Variants in NKAIN3 observed in about 807,000 individuals in gnomAD.
The protein encoded by NKAIN3 is sodium/potassium transporting ATPase interacting 3.
In NKAIN3, 25 loss-of-function variants were observed where a neutral mutation model predicts 30.2. The observed-to-expected ratio is 0.83, with a 90% CI of 0.60 to 1.16. The LOEUF (loss-of-function observed/expected upper bound fraction) is 1.16. Ranked by LOEUF, NKAIN3 falls within the 50% of genes most tolerant of loss-of-function variation. NKAIN3 has a pLI of 0.00. For synonymous variants in NKAIN3, 91 were observed against 89.6 expected, an observed-to-expected ratio of 1.02 and a Z score of -0.09; for missense variants, 225 against 254.1, an observed-to-expected ratio of 0.89 and a Z score of 0.78.
intron 1 of NKAIN3, among the ~76,000 whole-genome samples, chr8:62,251,797 C>G (rs537830759): frequency 6.6e-4 from 101 of 152,248 alleles, no homozygotes; most frequent in Non-Finnish European, 1.1e-3. Context: ...TGTAAATACT[C>G]CCATCACGAC....
chr8:62,445,919 G>C (rs13265419), intron 1 of NKAIN3, among the ~76,000 whole-genome samples: 13,416 of 152,108 alleles, frequency 0.088, 734 homozygotes, highest in Middle Eastern at 0.13. Flanking sequence ...TGTTTGTTAA[G>C]CACGAAACTC....
chr8:62,889,163 G>T (rs1821229608), intron 4 of NKAIN3, among the ~76,000 whole-genome samples: 2 of 152,136 alleles, frequency 1.3e-5, no homozygotes, highest in Non-Finnish European at 2.9e-5. Context: ...GAGATCAGGA[G>T]TTCGAGACCG....
intron 5 of NKAIN3, among the ~76,000 whole-genome samples, chr8:62,921,819 T>G (rs960463145): frequency 1.3e-5 from 2 of 152,164 alleles, no homozygotes; most frequent in Non-Finnish European, 2.9e-5. Context: ...TTGCTGAAAA[T>G]GAACTTGAGG....
chr8:62,959,631 A>T (rs1007045486), intron 6 of NKAIN3, among the ~76,000 whole-genome samples: 1 of 152,138 alleles, frequency 6.6e-6, no homozygotes, highest in Admixed American at 6.5e-5. Flanking sequence ...TTCACATCTT[A>T]TATTTATCCA....
chr8:62,377,453 C>T lies in NKAIN3; in HGVS notation c.54+128326C>T, dbSNP rs1817124384. Among the ~76,000 whole-genome samples, 3 of 152,094 alleles carry T rather than the reference C, an allele frequency of 2.0e-5. No homozygotes were observed. In the South Asian group the frequency reaches 6.2e-4, roughly 32 times the overall value. Reference sequence around the variant, plus strand: ...GCAAAGGTGAAGTTTCAGTCATTTTCAAGTATATGAATAGCATTAATGCAC... The same window carrying T: ...GCAAAGGTGAAGTTTCAGTCATTTTTAAGTATATGAATAGCATTAATGCAC... On this transcript the variant is annotated intron_variant, in intron 1 of 6. Transcript: ENST00000623646.
chr8:62,611,393 A>G (rs1018352083), intron 3 of NKAIN3, among the ~76,000 whole-genome samples: 6 of 152,160 alleles, frequency 3.9e-5, no homozygotes, highest in African/African-American at 1.4e-4. Flanking sequence ...CTAAGGTCTT[A>G]GTCATTCTTT....
At chr8:62,791,793 A>G (rs1563563551) in intron 4 of NKAIN3, among the ~76,000 whole-genome samples, 1 of 152,100 alleles carries the variant, frequency 6.6e-6, no homozygotes, top group Non-Finnish European at 1.5e-5. Context: ...TTCCAGAAAA[A>G]TTAACAGCAC....
Position 62,518,960 on chromosome 8 carries a change from G to A in NKAIN3, c.55-60579G>A, listed in dbSNP as rs1408146589. ...TAGGCAATCTCTCAGAGTCATTTTA[G>A]CACTCGAATTCTAATACTGAATAGC... On this transcript the variant is annotated intron_variant, in intron 1 of 6. Coordinates refer to ENST00000623646, the MANE Select transcript of NKAIN3 (RefSeq NM_001304533.3). Among the ~76,000 whole-genome samples, 5 of 152,146 alleles carry A rather than the reference G, an allele frequency of 3.3e-5. No individual in the cohort carries two copies. In the East Asian group the frequency reaches 9.6e-4, roughly 29 times the overall value.
intron 3 of NKAIN3, among the ~76,000 whole-genome samples, chr8:62,660,250 C>T (rs1303459275): frequency 6.6e-6 from 1 of 152,152 alleles, no homozygotes; most frequent in Non-Finnish European, 1.5e-5. Context: ...TCCATTTCTT[C>T]TTCCCATTAG....
chr8:62,256,005 A>C (rs1812249868), intron 1 of NKAIN3, among the ~76,000 whole-genome samples: 2 of 152,170 alleles, frequency 1.3e-5, no homozygotes, highest in African/African-American at 4.8e-5. Flanking sequence ...GAAGAACTTG[A>C]AGAGGAAAGA....
chr8:62,249,202 T>C (rs143223222), intron 1 of NKAIN3, 75 bp downstream of exon 1: 44,431 of 1,273,440 alleles, frequency 0.035, 1,052 homozygotes, highest in South Asian at 0.082. Flanking sequence ...CCTCTGCGGT[T>C]CCGCAGCTCC....
chr8:62,306,845 A>G (rs917091252), intron 1 of NKAIN3, among the ~76,000 whole-genome samples: 1 of 149,516 alleles, frequency 6.7e-6, no homozygotes, highest in African/African-American at 2.6e-5. Flanking sequence ...CCTGGTTCTG[A>G]TCTCGGTGCT....
intron 4 of NKAIN3, chr8:62,857,238 T>A (rs1820089774): frequency 4.9e-6 from 1 of 205,976 alleles, no homozygotes; most frequent in Admixed American, 5.6e-5. Context: ...CCTTTGTAGG[T>A]GACCTTGCCT....
chr8:62,408,595 CACTT>C (rs1804147239), intron 1 of NKAIN3, among the ~76,000 whole-genome samples: 1 of 152,178 alleles, frequency 6.6e-6, no homozygotes, highest in African/African-American at 2.4e-5. Flanking sequence ...ATTTTTTTCT[CACTT>C]AGTGGTTTAG....
chr8:62,748,968 G>A (rs1168988841), intron 4 of NKAIN3, among the ~76,000 whole-genome samples: 1 of 151,766 alleles, frequency 6.6e-6, no homozygotes, highest in Non-Finnish European at 1.5e-5. Context: ...TTAAATTTTT[G>A]TCTTGAAAAA....
chr8:62,257,781 A>C (rs1357474128), intron 1 of NKAIN3, among the ~76,000 whole-genome samples: 2 of 152,220 alleles, frequency 1.3e-5, no homozygotes, highest in Non-Finnish European at 2.9e-5. Context: ...AAATAGAAAG[A>C]AGTATTTATA....
At chr8:62,670,351 A>C in intron 3 of NKAIN3, among the ~76,000 whole-genome samples, 1 of 152,168 alleles carries the variant, frequency 6.6e-6, no homozygotes, top group East Asian at 1.9e-4. Flanking sequence ...TTCCTTTAAG[A>C]AATTGTTTCT....
chr8:62,722,919 T>G (rs986319816), intron 3 of NKAIN3, among the ~76,000 whole-genome samples: 1 of 152,190 alleles, frequency 6.6e-6, no homozygotes, highest in South Asian at 2.1e-4. Context: ...CCTACAGCCA[T>G]CCAAGATGGT....
At chr8:62,925,576 G>T (rs16929875) in intron 5 of NKAIN3, among the ~76,000 whole-genome samples, 11,800 of 152,190 alleles carry the variant, frequency 0.078, 636 homozygotes, top group East Asian at 0.17. Context: ...CTAATTTTCT[G>T]TGTTTCTACT....
Sources: gnomAD v4.1 joint callset for allele counts (sites outside exome capture counted in the v4.1 genomes callset) on GRCh38, gnomAD v4.1.1 for gene constraint, MANE v1.5 for transcripts, NCBI Gene and HGNC (gene_info 2026-07-23, HGNC 2026-07-21) for gene names.